The following PPP1CB variants were observed in gnomAD, a reference collection of about 807,000 sequenced individuals.
The protein encoded by PPP1CB is protein phosphatase 1 catalytic subunit beta, also known as serine/threonine-protein phosphatase PP1-beta catalytic subunit.
In PPP1CB, 2 loss-of-function variants were observed where a neutral mutation model predicts 43.7. That is an observed-to-expected ratio of 0.05 (90% CI 0.02 to 0.14). PPP1CB has a LOEUF of 0.14. Among genes scored for constraint, PPP1CB ranks in the 10% least tolerant of loss-of-function variants. PPP1CB has a pLI of 1.00. For missense variants in PPP1CB, 84 were observed against 398.0 expected (o/e 0.21, Z 6.71); for synonymous variants, 136 against 135.6 (o/e 1.00, Z -0.02).
Position 28,800,889 on chromosome 2 carries a change from C to T in PPP1CB, c.*1586C>T, listed in dbSNP as rs1376682303. ...TGTTAACTTACATTTTATGAATTGG[C>T]ACATTGTATTACTTACTGCAAGAGA... On this transcript the variant is annotated 3_prime_UTR_variant, in exon 8 of 8. Transcript: ENST00000395366. 6.6e-6 allele frequency: 1 copy of T among 152,492 alleles called. No homozygotes were observed. The highest frequency in any genetic ancestry group is 1.5e-5 in the Non-Finnish European group (1 of 67,964). The allele number at this position is 152,492 out of a possible 1,614,324, so 9.4% of individuals were successfully genotyped here.
intron 7 of PPP1CB, among the ~76,000 whole-genome samples, chr2:28,798,139 C>G (rs1191979425): frequency 6.6e-6 from 1 of 151,992 alleles, no homozygotes; most frequent in African/African-American, 2.4e-5. Context: ...TTAAAAAATA[C>G]TTTGTACATA....
intron 1 of PPP1CB, among the ~76,000 whole-genome samples, chr2:28,764,790 A>G (rs1440131724): frequency 3.3e-5 from 5 of 152,064 alleles, no homozygotes; most frequent in Non-Finnish European, 5.9e-5. Flanking sequence ...GCATGGTGGC[A>G]CACACCTGTA....
intron 1 of PPP1CB, among the ~76,000 whole-genome samples, chr2:28,766,792 T>C (rs184925530): frequency 3.9e-5 from 6 of 152,290 alleles, no homozygotes; most frequent in African/African-American, 1.4e-4. Context: ...TTTAAAAGTT[T>C]ATTGTCTCAG....
At chr2:28,773,900 C>A (rs1359856719) in intron 1 of PPP1CB, among the ~76,000 whole-genome samples, 1 of 151,650 alleles carries the variant, frequency 6.6e-6, no homozygotes. Context: ...TTATGTGCCA[C>A]TAAGTTGGTG....
At chr2:28,757,070 C>T (rs576694407) in intron 1 of PPP1CB, among the ~76,000 whole-genome samples, 1 of 150,304 alleles carries the variant, frequency 6.7e-6, no homozygotes, top group Admixed American at 6.6e-5. Flanking sequence ...TCCCGGCCCC[C>T]ACTAATCTAC....
At position 28,800,813 on chromosome 2, in the gene PPP1CB, G is replaced by A. The variant is rs913010111; in HGVS notation, c.*1510G>A. On this transcript the variant is annotated 3_prime_UTR_variant, in exon 8 of 8. Transcript: ENST00000395366. ...CCCTTCTATATGTGCTACCATAGAT[G>A]TGACATTTTTGACCTTAATATCGTC... The A allele has an allele frequency of 6.6e-6, 1 of 152,432 alleles. No individual in the cohort carries two copies. Among genetic ancestry groups the A allele is most frequent in the African/African-American group, 2.4e-5 (1 of 41,412 alleles). The allele number at this position is 152,432 out of a possible 1,614,324, so 9.4% of individuals were successfully genotyped here. A position where few individuals can be genotyped will look rare whatever the true frequency, so the allele number is the denominator to read the frequency against.
At chr2:28,780,895 C>T (rs184776307) in intron 3 of PPP1CB, among the ~76,000 whole-genome samples, 6 of 148,766 alleles carry the variant, frequency 4.0e-5, no homozygotes, top group Admixed American at 2.7e-4. Flanking sequence ...GCTATAGTGC[C>T]AAGTTGTAAT....
At chr2:28,787,326 G>A (rs1279894153) in intron 5 of PPP1CB, among the ~76,000 whole-genome samples, 1 of 152,130 alleles carries the variant, frequency 6.6e-6, no homozygotes, top group Non-Finnish European at 1.5e-5. Context: ...GGGCGTGGTA[G>A]CGGGCACCTG....
chr2:28,796,128 C>T (rs1427351499), intron 7 of PPP1CB, among the ~76,000 whole-genome samples: 3 of 152,070 alleles, frequency 2.0e-5, no homozygotes, highest in Non-Finnish European at 4.4e-5. Flanking sequence ...CTGGCTCCTC[C>T]ATCCTGTTCC....
chr2:28,772,823 A>G (rs1666942646), intron 1 of PPP1CB, among the ~76,000 whole-genome samples: 1 of 152,184 alleles, frequency 6.6e-6, no homozygotes, highest in Admixed American at 6.5e-5. Context: ...TGAGCATCAT[A>G]TTAGCACTAA....
In PPP1CB at chr2:28,795,293, G is replaced by A. The variant is rs146294782; in HGVS notation, c.879+1296G>A. On this transcript the variant is annotated intron_variant, in intron 7 of 7. Coordinates refer to ENST00000395366, the MANE Select transcript of PPP1CB (RefSeq NM_002709.3). ...ACATGTCTTTGCTATTGTGAATAGT[G>A]CTGTGATTAACATACAAGTGCTTGT... Among the ~76,000 whole-genome samples, 5 of 152,256 alleles carry A rather than the reference G, an allele frequency of 3.3e-5. No individual in the cohort carries two copies. In the East Asian group the frequency reaches 9.6e-4, roughly 29 times the overall value.
chr2:28,786,527 A>G (rs540951389), intron 5 of PPP1CB, among the ~76,000 whole-genome samples: 36 of 152,218 alleles, frequency 2.4e-4, no homozygotes, highest in African/African-American at 8.4e-4. Flanking sequence ...CTCAAACTCT[A>G]TTCTAATTTT....
chr2:28,751,775 A>C, upstream of PPP1CB: 5 of 355,088 alleles, frequency 1.4e-5, no homozygotes, highest in East Asian at 8.9e-5. Flanking sequence ...CGCGCAAGGG[A>C]CGTGCGGAGT....
At chr2:28,784,959 A>T (rs1667231331) in intron 5 of PPP1CB, among the ~76,000 whole-genome samples, 1 of 150,052 alleles carries the variant, frequency 6.7e-6, no homozygotes, top group African/African-American at 2.4e-5. Context: ...CAATCACCAC[A>T]AAAAATGCTG....
At chr2:28,752,249 C>T in intron 1 of PPP1CB, 73 bp downstream of exon 1, 2 of 1,357,902 alleles carry the variant, frequency 1.5e-6, no homozygotes, top group Non-Finnish European at 2.0e-6. Flanking sequence ...CCGTCTGCCG[C>T]CGGAACGCGA....
intron 3 of PPP1CB, among the ~76,000 whole-genome samples, 156 bp from the exon 4 acceptor site, chr2:28,781,582 C>G (rs931782880): frequency 6.6e-6 from 1 of 151,958 alleles, no homozygotes; most frequent in Non-Finnish European, 1.5e-5. Flanking sequence ...TTTGAAAGTA[C>G]GTAAATAACA....
intron 6 of PPP1CB, among the ~76,000 whole-genome samples, chr2:28,789,952 CCA>C (rs1667352242): frequency 6.6e-6 from 1 of 152,034 alleles, no homozygotes; most frequent in African/African-American, 2.4e-5. Context: ...TAAGAGCAAA[CCA>C]CACTTTAAAA....
chr2:28,776,825 T>G (rs773828218), intron 1 of PPP1CB, 26 bp from the exon 2 acceptor site: 1 of 1,577,990 alleles, frequency 6.3e-7, no homozygotes, highest in South Asian at 1.2e-5. Flanking sequence ...TTTAGAAAAC[T>G]GACTGTTTTA....
intron 1 of PPP1CB, among the ~76,000 whole-genome samples, chr2:28,760,910 C>A (rs1350949899): frequency 6.6e-6 from 1 of 152,040 alleles, no homozygotes; most frequent in Non-Finnish European, 1.5e-5. Context: ...CAGACCTTTT[C>A]TTTTTTCCGA....
Sources: allele counts gnomAD v4.1 joint callset (sites outside exome capture counted in the v4.1 genomes callset), GRCh38; gene constraint gnomAD v4.1.1; transcripts MANE v1.5; gene names NCBI Gene and HGNC (gene_info 2026-07-23, HGNC 2026-07-21).